Variants in TRPC5 observed in about 807,000 individuals in gnomAD.
The protein encoded by TRPC5 is transient receptor potential cation channel subfamily C member 5, also known as short transient receptor potential channel 5.
A neutral mutation model predicts 56.5 loss-of-function variants in TRPC5; 9 were observed. The observed-to-expected ratio is 0.16, with a 90% confidence interval of 0.10 to 0.28. TRPC5 has a LOEUF of 0.28. Among genes scored for constraint, TRPC5 ranks in the 10% least tolerant of loss-of-function variants. TRPC5 has a pLI of 1.00. For missense variants in TRPC5, 469 were observed against 748.9 expected (o/e 0.63, Z 4.36); for synonymous variants, 282 against 278.5 (o/e 1.01, Z -0.13).
At chrX:112,080,947 T>TA (rs1001947659) in intron 1 of TRPC5, among the ~76,000 whole-genome samples, 1 of 112,485 alleles carries the variant, frequency 8.9e-6, no homozygotes, top group Non-Finnish European at 1.9e-5. Context: ...GCACAATCTC[T>TA]AAAAAGAGCA....
chrX:111,813,369 T>C (rs996311934), intron 7 of TRPC5, among the ~76,000 whole-genome samples: 4 of 112,342 alleles, frequency 3.6e-5, no homozygotes, highest in African/African-American at 1.3e-4. Flanking sequence ...CCTTTCACAG[T>C]GTGAGTATAT....
intron 3 of TRPC5, 113 bp from the exon 4 acceptor site, chrX:111,854,219 C>A: frequency 1.3e-6 from 1 of 783,279 alleles, no homozygotes; most frequent in Non-Finnish European, 1.8e-6. Context: ...ATGGCCAATC[C>A]CCAGAAGAGG....
chrX:111,937,026 G>C (rs1397901453), intron 2 of TRPC5, among the ~76,000 whole-genome samples: 1 of 105,556 alleles, frequency 9.5e-6, no homozygotes, highest in African/African-American at 3.7e-5. Context: ...ACTTTTTAAT[G>C]ATTGCCATTC....
At chrX:111,928,231 C>G (rs1019569534) in intron 2 of TRPC5, among the ~76,000 whole-genome samples, 6 of 111,412 alleles carry the variant, frequency 5.4e-5, no homozygotes, top group Non-Finnish European at 9.4e-5. Context: ...ATTACTGGGT[C>G]ACTAATAAAA....
At chrX:111,780,908 A>T (rs1166176346) in intron 9 of TRPC5, among the ~76,000 whole-genome samples, 1 of 111,624 alleles carries the variant, frequency 9.0e-6, no homozygotes, top group Non-Finnish European at 1.9e-5. Context: ...ATTTTATGTA[A>T]CTTCAAGGAA....
At chrX:111,778,844 A>C (rs1945898798) in intron 10 of TRPC5, 141 bp downstream of exon 10, 2 of 388,537 alleles carry the variant, frequency 5.1e-6, no homozygotes, top group Non-Finnish European at 8.7e-6. Flanking sequence ...GATGAGAGAC[A>C]ATTCTAAGAG....
chrX:112,029,527 GGTT>G (rs765511239), intron 1 of TRPC5, among the ~76,000 whole-genome samples: 14 of 111,657 alleles, frequency 1.3e-4, no homozygotes, highest in South Asian at 7.6e-4. Flanking sequence ...GGGATGGCTG[GGTT>G]GTACAGCACC....
chrX:111,909,360 T>TAAATA (rs1569527966), intron 3 of TRPC5, among the ~76,000 whole-genome samples: 1 of 105,900 alleles, frequency 9.4e-6, no homozygotes, highest in African/African-American at 3.6e-5. Context: ...ATAAATAAAT[T>TAAATA]AATTAATTAA....
At chrX:111,988,331 T>C (rs1026085262) in intron 1 of TRPC5, among the ~76,000 whole-genome samples, 24 of 110,288 alleles carry the variant, frequency 2.2e-4, no homozygotes, top group African/African-American at 7.5e-4. Context: ...TGTCAGTCAG[T>C]TGGTGAAAAA....
At chrX:112,029,921 G>A (rs759960441) in intron 1 of TRPC5, among the ~76,000 whole-genome samples, 23 of 108,941 alleles carry the variant, frequency 2.1e-4, no homozygotes, top group African/African-American at 6.7e-4. Flanking sequence ...TCTGCCTCCC[G>A]GGTTCAAGCG....
chrX:111,997,822 C>T (rs1372753379), intron 1 of TRPC5, among the ~76,000 whole-genome samples: 1 of 110,504 alleles, frequency 9.0e-6, no homozygotes, highest in African/African-American at 3.3e-5. Flanking sequence ...AGTTCTCATG[C>T]CATGGTTTTC....
chrX:112,068,518 C>A (rs1280709027), intron 1 of TRPC5, among the ~76,000 whole-genome samples: 1 of 112,005 alleles, frequency 8.9e-6, no homozygotes, highest in East Asian at 2.8e-4. Context: ...TTTTTGAATG[C>A]TAGTCACTTG....
At position 111,912,637 on chromosome X, in the gene TRPC5, G is replaced by A; in HGVS notation, c.554C>T (p.Ser185Leu). 1.7e-6 allele frequency: 2 copies of A among 1,211,483 alleles called. No individual in the cohort carries two copies. Among genetic ancestry groups the A allele is most frequent in the Non-Finnish European group, 1.1e-6 (1 of 895,523 alleles). The change falls in exon 3 of 11, where the codon TCA becomes TTA. Residue 185 changes from serine to leucine, a missense_variant. Ser to Leu is a moderately radical substitution (Grantham distance 145, BLOSUM62 -2). Around this residue, in one of 3 missense-constraint regions of TRPC5, gnomAD observed 118 missense variants for 167.1 expected, o/e 0.71. Coordinates refer to ENST00000262839, the MANE Select transcript of TRPC5 (RefSeq NM_012471.3). Reference sequence around the variant, plus strand: ...AGAGTGGCGCAGGCTGTCTACCTCTGAACTAGACACACACTCCACACAGTT... The same window carrying A: ...AGAGTGGCGCAGGCTGTCTACCTCTAAACTAGACACACACTCCACACAGTT... ...RCNCVECVSS[S>L]EVDSLRHSRS...
intron 3 of TRPC5, among the ~76,000 whole-genome samples, chrX:111,882,653 G>C (rs915457755): frequency 1.8e-5 from 2 of 112,867 alleles, no homozygotes; most frequent in African/African-American, 3.2e-5. Flanking sequence ...CCTAGTTAAG[G>C]CTTGCTCAGC....
At chrX:111,919,461 C>G (rs1289380986) in intron 2 of TRPC5, among the ~76,000 whole-genome samples, 1 of 112,128 alleles carries the variant, frequency 8.9e-6, no homozygotes, top group African/African-American at 3.2e-5. Context: ...CTGTAACACT[C>G]AACGCAAAGC....
intron 2 of TRPC5, among the ~76,000 whole-genome samples, chrX:111,913,448 G>A (rs750039575): frequency 3.6e-5 from 4 of 110,822 alleles, no homozygotes; most frequent in Non-Finnish European, 5.7e-5. Context: ...AAGATGATTC[G>A]TTAGGGTCAG....
Position 111,768,973 on chromosome X carries a change from G to C in TRPC5, c.*7340C>G, listed in dbSNP as rs1479489985. Among the ~76,000 whole-genome samples the C allele has an allele frequency of 8.9e-6, 1 of 112,079 alleles. No homozygotes were observed. Among genetic ancestry groups the C allele is most frequent in the Non-Finnish European group, 1.9e-5 (1 of 53,165 alleles). On this transcript the variant is annotated 3_prime_UTR_variant, in exon 11 of 11. Transcript: ENST00000262839. ...GTCCTACAAGGTGTGGCCACAACAT[G>C]ATGAGGCTATACTTTAAATACCATG...
chrX:112,065,913 G>C (rs1203888195), intron 1 of TRPC5, among the ~76,000 whole-genome samples: 1 of 109,025 alleles, frequency 9.2e-6, no homozygotes, highest in African/African-American at 3.3e-5. Context: ...TTCTGCTCTG[G>C]CTGTAGGATC....
chrX:111,781,835 G>T, intron 8 of TRPC5, 100 bp downstream of exon 8: 1 of 731,638 alleles, frequency 1.4e-6, no homozygotes, highest in Non-Finnish European at 2.0e-6. Flanking sequence ...GCAGAGGTTG[G>T]CAGTGACCCG....
Sources: allele counts gnomAD v4.1 joint callset (sites outside exome capture counted in the v4.1 genomes callset), GRCh38; gene constraint gnomAD v4.1.1; regional missense constraint gnomAD v4.1.1; transcripts MANE v1.5; gene names NCBI Gene and HGNC (gene_info 2026-07-23, HGNC 2026-07-21).